The following CDH13 variants were observed in gnomAD, a reference collection of about 807,000 sequenced individuals.
CDH13 encodes cadherin-13.
Under a neutral mutation model 63.8 loss-of-function variants are expected in CDH13, and 24 were observed. The ratio of observed to expected loss-of-function variants is 0.38; its 90% CI spans 0.27 to 0.53. The LOEUF is 0.53. Among genes scored for constraint, CDH13 ranks in the 20% least tolerant of loss-of-function variants. The pLI is 0.85. For missense variants in CDH13, 1,049 were observed against 903.1 expected (o/e 1.16, Z -2.07); for synonymous variants, 503 against 355.3 (o/e 1.42, Z -4.67).
intron 2 of CDH13, among the ~76,000 whole-genome samples, chr16:82,897,937 A>G (rs985697377): frequency 6.6e-6 from 1 of 152,238 alleles, no homozygotes; most frequent in African/African-American, 2.4e-5. Context: ...CTAAGTGTTA[A>G]TCTTTATGCC....
intron 6 of CDH13, among the ~76,000 whole-genome samples, chr16:83,441,757 C>T (rs2072486694): frequency 6.6e-6 from 1 of 152,082 alleles, no homozygotes; most frequent in Admixed American, 6.6e-5. Flanking sequence ...GAGAGAGTAC[C>T]TGGTGGAGCC....
intron 4 of CDH13, among the ~76,000 whole-genome samples, chr16:83,182,453 T>A (rs772868532): frequency 6.6e-6 from 1 of 152,186 alleles, no homozygotes; most frequent in Non-Finnish European, 1.5e-5. Context: ...TCTGGGACAT[T>A]TCTGTGAGTT....
chr16:82,942,773 C>T (rs1904307870), intron 2 of CDH13, among the ~76,000 whole-genome samples: 1 of 152,170 alleles, frequency 6.6e-6, no homozygotes, highest in Non-Finnish European at 1.5e-5. Flanking sequence ...CCCAAGGTCA[C>T]AGAGTTGATG....
chr16:82,944,653 A>C (rs1904494385), intron 2 of CDH13, among the ~76,000 whole-genome samples: 1 of 152,178 alleles, frequency 6.6e-6, no homozygotes, highest in African/African-American at 2.4e-5. Flanking sequence ...TATCTGGCCC[A>C]AAATTTCAGC....
Position 83,789,409 on chromosome 16 carries a change from C to G in CDH13, c.2135-5614C>G, listed in dbSNP as rs768931205. On this transcript the variant is annotated intron_variant, in intron 13 of 13. Transcript: ENST00000567109. ...TCACCCAGGCTGGAGTGCAAGGGCG[C>G]GATTTTGGCTCACTGCAACTTCTGC... 6.3e-4 allele frequency among the ~76,000 whole-genome samples: 93 copies of G among 147,636 alleles called. 1 individual carries two copies. Among genetic ancestry groups the G allele is most frequent in the Non-Finnish European group, 1.2e-3 (80 of 67,624 alleles).
chr16:83,679,210 G>T (rs78306201), intron 10 of CDH13, among the ~76,000 whole-genome samples: 129 of 152,298 alleles, frequency 8.5e-4, no homozygotes, highest in Non-Finnish European at 1.7e-3. Context: ...CTATCCACCC[G>T]TGGTGCATCT....
At chr16:82,968,996 G>T (rs1403689043) in intron 2 of CDH13, among the ~76,000 whole-genome samples, 2 of 152,098 alleles carry the variant, frequency 1.3e-5, no homozygotes, top group African/African-American at 4.8e-5. Context: ...AATCCCAGCT[G>T]CTCAGGAGGC....
intron 11 of CDH13, among the ~76,000 whole-genome samples, chr16:83,763,570 G>T (rs1355896703): frequency 6.6e-6 from 1 of 152,064 alleles, no homozygotes. Context: ...GCTCTAGACT[G>T]CAGGGGGGAT....
At chr16:82,703,123 C>T (rs527993470) in intron 1 of CDH13, among the ~76,000 whole-genome samples, 4 of 152,138 alleles carry the variant, frequency 2.6e-5, no homozygotes, top group Admixed American at 2.6e-4. Context: ...ATATAAACCA[C>T]TTATATATTC....
intron 2 of CDH13, among the ~76,000 whole-genome samples, chr16:82,983,818 C>A (rs147896829): frequency 6.6e-6 from 1 of 152,144 alleles, no homozygotes; most frequent in Non-Finnish European, 1.5e-5. Flanking sequence ...TTCACCAGCA[C>A]CTGGGACTGA....
rs948753014 is a variant in CDH13 at position 82,676,492 on chromosome 16, T to C, written c.45+49355T>C. Reference sequence around the variant, plus strand: ...ATCTGAGCTACCATCATTTCTTTTTTTTTTTTTTTTTTTTTGCCTTGAATA... The same window carrying C: ...ATCTGAGCTACCATCATTTCTTTTTCTTTTTTTTTTTTTTTGCCTTGAATA... On this transcript the variant is annotated intron_variant, in intron 1 of 13. Coordinates refer to ENST00000567109, the MANE Select transcript of CDH13 (RefSeq NM_001257.5). 1.1e-3 allele frequency among the ~76,000 whole-genome samples: 168 copies of C among 148,558 alleles called. 1 individual carries two copies. The highest frequency in any genetic ancestry group is 3.7e-3 in the African/African-American group (149 of 40,406).
intron 5 of CDH13, among the ~76,000 whole-genome samples, chr16:83,263,193 G>C (rs893758103): frequency 4.6e-5 from 7 of 152,208 alleles, no homozygotes; most frequent in African/African-American, 1.7e-4. Flanking sequence ...GGAATCAAGT[G>C]ATACAGGTGT....
intron 7 of CDH13, among the ~76,000 whole-genome samples, chr16:83,541,563 C>T (rs1256081905): frequency 2.0e-5 from 3 of 152,154 alleles, no homozygotes; most frequent in Admixed American, 6.5e-5. Context: ...TGGTAGAAGT[C>T]ATCAAACCAC....
intron 2 of CDH13, among the ~76,000 whole-genome samples, chr16:82,997,762 G>C (rs1190624277): frequency 2.0e-5 from 3 of 152,124 alleles, no homozygotes; most frequent in Non-Finnish European, 4.4e-5. Flanking sequence ...AGTCTATCTG[G>C]CTTCTAAGGT....
At chr16:83,232,768 G>C (rs560696351) in intron 5 of CDH13, among the ~76,000 whole-genome samples, 2 of 134,284 alleles carry the variant, frequency 1.5e-5, no homozygotes, top group South Asian at 4.5e-4. Flanking sequence ...ACCCACTCTC[G>C]GGTATTTTTT....
intron 5 of CDH13, among the ~76,000 whole-genome samples, chr16:83,236,754 C>T (rs868253053): frequency 6.6e-6 from 1 of 151,964 alleles, no homozygotes; most frequent in African/African-American, 2.4e-5. Flanking sequence ...GAATATTATA[C>T]AGCCATAAAA....
chr16:83,501,387 C>G (rs1330729358), intron 7 of CDH13, among the ~76,000 whole-genome samples: 1 of 152,220 alleles, frequency 6.6e-6, no homozygotes, highest in East Asian at 1.9e-4. Context: ...CCATGAAAGA[C>G]TCTCAGAGTC....
At chr16:83,248,289 G>C (rs1179799894) in intron 5 of CDH13, among the ~76,000 whole-genome samples, 1 of 152,182 alleles carries the variant, frequency 6.6e-6, no homozygotes, top group African/African-American at 2.4e-5. Flanking sequence ...GAGAAACAGA[G>C]GCAGGGGGGT....
intron 7 of CDH13, among the ~76,000 whole-genome samples, chr16:83,581,367 A>G (rs1905581349): frequency 2.0e-5 from 3 of 152,198 alleles, no homozygotes; most frequent in Non-Finnish European, 4.4e-5. Flanking sequence ...GTTATTTAAT[A>G]TTTCAGACTT....
Sources: allele counts gnomAD v4.1 joint callset (sites outside exome capture counted in the v4.1 genomes callset), GRCh38; gene constraint gnomAD v4.1.1; transcripts MANE v1.5; gene names NCBI Gene and HGNC (gene_info 2026-07-23, HGNC 2026-07-21).